The following CLCN5 variants were observed in gnomAD, a reference collection of about 807,000 sequenced individuals.
The protein encoded by CLCN5 is H(+)/Cl(-) exchange transporter 5.
In CLCN5, 17 loss-of-function variants were observed where a neutral mutation model predicts 54.0. The observed-to-expected ratio is 0.31, with a 90% CI of 0.22 to 0.47. The LOEUF (loss-of-function observed/expected upper bound fraction) is 0.47. CLCN5 is among the 20% of genes least tolerant of loss of function. The pLI, the probability that CLCN5 is intolerant of heterozygous loss-of-function variation, is 1.00. For synonymous variants in CLCN5, 222 were observed against 233.0 expected, an observed-to-expected ratio of 0.95 and a Z score of 0.43; for missense variants, 448 against 646.7, an observed-to-expected ratio of 0.69 and a Z score of 3.33.
intron 3 of CLCN5, chrX:50,014,717 T>C (rs1297148994): frequency 3.4e-5 from 11 of 323,219 alleles, no homozygotes; most frequent in African/African-American, 2.8e-4. Context: ...AGCCTAGACA[T>C]CACCCCTCCC....
chrX:49,983,071 C>G (rs949667516), intron 3 of CLCN5, among the ~76,000 whole-genome samples: 2 of 111,823 alleles, frequency 1.8e-5, no homozygotes, highest in Non-Finnish European at 3.8e-5. Context: ...GCATATCACT[C>G]AAAACAAATG....
chrX:50,032,684 G>A (rs1931772525), intron 3 of CLCN5, among the ~76,000 whole-genome samples: 1 of 109,636 alleles, frequency 9.1e-6, no homozygotes, highest in African/African-American at 3.4e-5. Flanking sequence ...TGTTCACTCT[G>A]ATGGTAGTTT....
At chrX:50,048,092 C>T (rs1026280864) in intron 4 of CLCN5, among the ~76,000 whole-genome samples, 7 of 112,253 alleles carry the variant, frequency 6.2e-5, no homozygotes, top group African/African-American at 1.3e-4. Context: ...TCAACGAAAC[C>T]GGCGGTGGGG....
At position 49,959,284 on chromosome X, in the gene CLCN5, T is replaced by A. The variant is rs1319401901; in HGVS notation, c.16+33970T>A. Among the ~76,000 whole-genome samples the A allele has an allele frequency of 4.4e-5, 5 of 112,360 alleles. No homozygotes were observed. The Admixed American group carries it at 4.7e-4, about 11-fold the overall frequency. On this transcript the variant is annotated intron_variant, in intron 3 of 14. Coordinates refer to ENST00000376091, the MANE Select transcript of CLCN5 (RefSeq NM_001127898.4). ...CTAAAGTTTCTTTCACTTCTACTTTTACCAATCAGTTCTTCTTTCTTGGTC... is the reference window on the plus strand; with the variant it reads ...CTAAAGTTTCTTTCACTTCTACTTTAACCAATCAGTTCTTCTTTCTTGGTC...
chrX:50,001,622 C>CT (rs1569538403), intron 3 of CLCN5, among the ~76,000 whole-genome samples: 16 of 77,625 alleles, frequency 2.1e-4, no homozygotes, highest in African/African-American at 5.9e-4. Context: ...CCCCTCCCCC[C>CT]ACCCCATGAC....
chrX:50,050,691 G>A (rs1484624600), intron 4 of CLCN5, among the ~76,000 whole-genome samples: 1 of 79,977 alleles, frequency 1.3e-5, no homozygotes, highest in African/African-American at 5.4e-5. Flanking sequence ...ATGGAGTCTC[G>A]CTCTGTTGAC....
Position 50,080,131 on chromosome X carries a change from A to G in CLCN5, c.604-463A>G, listed in dbSNP as rs141007403. ...TTACTATAAACTATGAGAATTTGAC[A>G]CCAAGGTAAGTAGCCAAAGGTGAAT... is the stretch of plus-strand genomic sequence containing the variant. On this transcript the variant is annotated intron_variant, in intron 7 of 14. Coordinates refer to ENST00000376091, the MANE Select transcript of CLCN5 (RefSeq NM_001127898.4). Among the ~76,000 whole-genome samples the G allele has an allele frequency of 3.8e-4, 42 of 111,592 alleles. 2 individuals carry two copies. In the East Asian group the frequency reaches 0.011, roughly 31 times the overall value.
At chrX:50,081,911 G>T (rs1933718772) in intron 9 of CLCN5, 64 bp downstream of exon 9, 3 of 1,016,492 alleles carry the variant, frequency 3.0e-6, no homozygotes, top group African/African-American at 3.8e-5. Context: ...AATCTTAGGG[G>T]GTGAGAATTT....
At chrX:49,925,136 CT>C in intron 2 of CLCN5, 34 bp from the exon 3 acceptor site, 2 of 548,883 alleles carry the variant, frequency 3.6e-6, no homozygotes, top group South Asian at 5.2e-5. Context: ...TGTATAGTTT[CT>C]TTTAGGTATT....
chrX:50,082,855 A>G (rs1251720012), intron 9 of CLCN5, among the ~76,000 whole-genome samples: 2 of 111,267 alleles, frequency 1.8e-5, no homozygotes, highest in Non-Finnish European at 3.8e-5. Context: ...TCTATCTAAC[A>G]CTATACTTGA....
chrX:50,085,668 C>A, intron 9 of CLCN5: 1 of 323,490 alleles, frequency 3.1e-6, no homozygotes, highest in Non-Finnish European at 5.5e-6. Flanking sequence ...AACAAATAGG[C>A]CTAGAAATTC....
intron 3 of CLCN5, among the ~76,000 whole-genome samples, chrX:49,978,917 A>T (rs1928602873): frequency 9.0e-6 from 1 of 111,278 alleles, no homozygotes; most frequent in Non-Finnish European, 1.9e-5. Context: ...GGATAGCATG[A>T]TTAAAGGGGT....
At chrX:50,026,613 G>A (rs1280432186) in intron 3 of CLCN5, among the ~76,000 whole-genome samples, 1 of 111,636 alleles carries the variant, frequency 9.0e-6, no homozygotes, top group Non-Finnish European at 1.9e-5. Flanking sequence ...TTATCATTAT[G>A]CAGTACCCCT....
intron 9 of CLCN5, among the ~76,000 whole-genome samples, chrX:50,083,761 G>A (rs61598556): frequency 0.12 from 13,141 of 111,493 alleles, 1,909 homozygotes; most frequent in African/African-American, 0.41. Context: ...ATGAAGATAT[G>A]TAGGACTTCT....
intron 3 of CLCN5, among the ~76,000 whole-genome samples, chrX:49,978,625 TC>T (rs1845862797): frequency 1.8e-5 from 2 of 112,964 alleles, no homozygotes; most frequent in African/African-American, 6.4e-5. Flanking sequence ...AGGCTTCATT[TC>T]CTTTCTTATA....
chrX:50,034,826 C>T (rs961241500), intron 3 of CLCN5, among the ~76,000 whole-genome samples: 1 of 111,080 alleles, frequency 9.0e-6, no homozygotes, highest in Non-Finnish European at 1.9e-5. Context: ...CCTTTTCCTT[C>T]TTTCTCCTCC....
chrX:49,950,254 C>T (rs948539792), intron 3 of CLCN5, among the ~76,000 whole-genome samples: 1 of 111,784 alleles, frequency 8.9e-6, no homozygotes, highest in African/African-American at 3.3e-5. Flanking sequence ...TCCATTGCTC[C>T]CAGCTGCCCT....
intron 4 of CLCN5, among the ~76,000 whole-genome samples, chrX:50,060,216 G>A (rs1047628726): frequency 4.5e-5 from 5 of 110,330 alleles, no homozygotes; most frequent in Non-Finnish European, 7.6e-5. Context: ...CGCAGAAGAC[G>A]GGTGATTTCT....
At chrX:49,937,930 T>A (rs1926087348) in intron 3 of CLCN5, among the ~76,000 whole-genome samples, 1 of 111,454 alleles carries the variant, frequency 9.0e-6, no homozygotes, top group Non-Finnish European at 1.9e-5. Context: ...TTAAGTTAAA[T>A]CTTCAAATTC....
Sources: allele counts gnomAD v4.1 joint callset (sites outside exome capture counted in the v4.1 genomes callset), GRCh38; gene constraint gnomAD v4.1.1; transcripts MANE v1.5; gene names NCBI Gene and HGNC (gene_info 2026-07-23, HGNC 2026-07-21).